Variants in GPCPD1 observed in about 807,000 individuals in gnomAD.
GPCPD1 encodes the protein glycerophosphocholine phosphodiesterase 1, also known as glycerophosphocholine phosphodiesterase GPCPD1.
Under a neutral mutation model 89.2 loss-of-function variants are expected in GPCPD1, and 29 were observed. The ratio of observed to expected loss-of-function variants is 0.33; its 90% CI spans 0.24 to 0.44. The LOEUF (loss-of-function observed/expected upper bound fraction) is 0.44, where lower values mean the gene tolerates loss of function less well. Ranked by LOEUF, GPCPD1 falls within the 20% of genes least tolerant of loss-of-function variation. GPCPD1 has a pLI of 1.00. For synonymous variants in GPCPD1, 258 were observed against 266.3 expected (o/e 0.97, Z 0.30); for missense variants, 594 against 808.9 (o/e 0.73, Z 3.22).
Position 5,599,802 on chromosome 20 carries a change from C to G in GPCPD1, c.50-981G>C, listed in dbSNP as rs140050128. Among the ~76,000 whole-genome samples, 272 of 152,260 alleles carry G rather than the reference C, an allele frequency of 1.8e-3. 1 individual carries two copies. The highest frequency in any genetic ancestry group is 6.1e-3 in the African/African-American group (255 of 41,568). ...TCCTGACCTCAGGTGATCTGCCCGC[C>G]TTGGCCTCCCAAAGTGCTGGGTTTA... On this transcript the variant is annotated intron_variant, in intron 2 of 19. Coordinates refer to ENST00000379019, the MANE Select transcript of GPCPD1 (RefSeq NM_019593.5).
At chr20:5,560,495 T>G (rs1986024395) in intron 16 of GPCPD1, among the ~76,000 whole-genome samples, 1 of 152,238 alleles carries the variant, frequency 6.6e-6, no homozygotes, top group South Asian at 2.1e-4. Flanking sequence ...AGTCTCATTC[T>G]TTGGGTCTTG....
intron 11 of GPCPD1, among the ~76,000 whole-genome samples, chr20:5,573,212 G>C (rs925500992): frequency 6.6e-6 from 1 of 151,828 alleles, no homozygotes; most frequent in African/African-American, 2.4e-5. Context: ...AGTCTCCCAA[G>C]TAGCTGGGAT....
chr20:5,606,656 G>A (rs1334101029), intron 1 of GPCPD1, among the ~76,000 whole-genome samples: 2 of 152,146 alleles, frequency 1.3e-5, no homozygotes, highest in Non-Finnish European at 2.9e-5. Context: ...CTAGCATCTA[G>A]GGGTAAAGGC....
intron 3 of GPCPD1, among the ~76,000 whole-genome samples, chr20:5,593,643 A>C (rs1979491603): frequency 6.6e-6 from 1 of 152,244 alleles, no homozygotes; most frequent in East Asian, 1.9e-4. Flanking sequence ...AGACAGAAAA[A>C]TAACCAAAGA....
chr20:5,602,658 C>T lies in GPCPD1; in HGVS notation c.49+1706G>A, dbSNP rs565853046. 5.3e-5 allele frequency among the ~76,000 whole-genome samples: 8 copies of T among 152,270 alleles called. No individual in the cohort carries two copies. The South Asian group carries it at 8.3e-4, about 16-fold the overall frequency. On this transcript the variant is annotated intron_variant, in intron 2 of 19. Transcript: ENST00000379019. ...GCTCTGATCCAGGCTCTCTGCTAGG[C>T]GCAGGAATTCAGCATAAACAAGACA...
rs917784737 is a variant in GPCPD1 at position 5,549,795 on chromosome 20, G to A, written c.1830-1945C>T. Among the ~76,000 whole-genome samples, 3 of 147,414 alleles carry A rather than the reference G, an allele frequency of 2.0e-5. No homozygotes were observed. In the South Asian group the frequency reaches 6.5e-4, roughly 32 times the overall value. On this transcript the variant is annotated intron_variant, in intron 19 of 19. Transcript: ENST00000379019. ...AATCCTTAATGACTTCAGGGAAATA[G>A]CATGTTCATTAAATGAGAATAGGAT... is the stretch of plus-strand genomic sequence containing the variant.
intron 11 of GPCPD1, 52 bp from the exon 12 acceptor site, chr20:5,570,291 C>A: frequency 1.2e-6 from 1 of 861,054 alleles, no homozygotes; most frequent in South Asian, 1.5e-5. Flanking sequence ...CACAGTACCT[C>A]TCAAACTGCA....
At chr20:5,582,268 TGAAGTACTAAA>T (rs1978590345) in intron 6 of GPCPD1, among the ~76,000 whole-genome samples, 1 of 146,996 alleles carries the variant, frequency 6.8e-6, no homozygotes, top group South Asian at 2.2e-4. Context: ...ATATTACTTA[TGAAGTACTAAA>T]GACTCCAAAA....
At chr20:5,608,760 A>G (rs191499192) in intron 1 of GPCPD1, among the ~76,000 whole-genome samples, 7 of 152,322 alleles carry the variant, frequency 4.6e-5, no homozygotes, top group African/African-American at 1.7e-4. Flanking sequence ...TACCTCACAT[A>G]CAGACTACAC....
Position 5,575,506 on chromosome 20 carries a change from C to G in GPCPD1, c.908G>C (p.Cys303Ser). Residue 303 changes from cysteine to serine, a missense_variant, in exon 10 of 20, where the codon TGT becomes TCT. By Grantham distance (112) the Cys-to-Ser change is moderately radical. Transcript: ENST00000379019. ...CTTGGAAAATGAAGATTTCATGTCA[C>G]AACTGTATCCTGGTAATGGCTTAAT... ...IIIKPLPGYS[C>S]DMKSSFSKYW... 6.3e-7 allele frequency: 1 copy of G among 1,585,828 alleles called. No individual in the cohort carries two copies. The highest frequency in any genetic ancestry group is 8.7e-7 in the Non-Finnish European group (1 of 1,154,520).
intron 4 of GPCPD1, among the ~76,000 whole-genome samples, chr20:5,587,118 C>A (rs1600775454): frequency 6.6e-6 from 1 of 152,114 alleles, no homozygotes; most frequent in Non-Finnish European, 1.5e-5. Flanking sequence ...TTTAAGTGTT[C>A]TAATTTTCCT....
chr20:5,554,498 A>G (rs899653675), intron 19 of GPCPD1, among the ~76,000 whole-genome samples: 1 of 152,200 alleles, frequency 6.6e-6, no homozygotes, highest in Non-Finnish European at 1.5e-5. Flanking sequence ...GAATTACGCT[A>G]AATCTACTTT....
chr20:5,566,443 A>G (rs1037478991), intron 14 of GPCPD1, among the ~76,000 whole-genome samples: 5 of 152,228 alleles, frequency 3.3e-5, no homozygotes, highest in Middle Eastern at 3.2e-3. Context: ...CGGATTCTAT[A>G]GTTGATTTAC....
intron 17 of GPCPD1, among the ~76,000 whole-genome samples, chr20:5,559,232 A>G (rs1025962103): frequency 1.3e-5 from 2 of 152,102 alleles, no homozygotes; most frequent in Non-Finnish European, 2.9e-5. Flanking sequence ...AAAAAAAGAA[A>G]GAAAGAAAAC....
At chr20:5,567,705 C>A in intron 12 of GPCPD1, 145 bp from the exon 13 acceptor site, 1 of 736,408 alleles carries the variant, frequency 1.4e-6, no homozygotes, top group Non-Finnish European at 2.1e-6. Context: ...TGTTAGTAGC[C>A]ATACTGAGCC....
rs1302281474 is a variant in GPCPD1, at chr20:5,547,463, AGACT to A, written c.*194_*197del. 3 of 364,770 alleles carry A rather than the reference AGACT, an allele frequency of 8.2e-6. No individual in the cohort carries two copies. Among genetic ancestry groups the A allele is most frequent in the East Asian group, 4.1e-5 (1 of 24,114 alleles). 22.6% of individuals were successfully genotyped at this position (364,770 alleles called of 1,614,324 possible). ...ACCAATAAATTTTCTCACTATAAAG[AGACT>A]GACTGGCAATTATACCTGGCCAAGT... On this transcript the variant is annotated 3_prime_UTR_variant, in exon 20 of 20. Coordinates refer to ENST00000379019, the MANE Select transcript of GPCPD1 (RefSeq NM_019593.5).
At chr20:5,593,486 A>C in intron 3 of GPCPD1, 75 bp from the exon 4 acceptor site, 1 of 808,878 alleles carries the variant, frequency 1.2e-6, no homozygotes, top group East Asian at 2.4e-5. Context: ...AATTCACAAA[A>C]CTCCTCAAAT....
chr20:5,566,824 A>C (rs1263602879), intron 13 of GPCPD1, 52 bp from the exon 14 acceptor site: 3 of 1,126,768 alleles, frequency 2.7e-6, no homozygotes, highest in Non-Finnish European at 4.0e-6. Flanking sequence ...TAGCTTATGA[A>C]GAGATGGTTA....
At chr20:5,573,830 C>T in intron 11 of GPCPD1, 85 bp downstream of exon 11, 2 of 810,450 alleles carry the variant, frequency 2.5e-6, no homozygotes, top group Admixed American at 1.8e-5. Flanking sequence ...GAGATATTCC[C>T]CTAACTATTA....
Sources: gnomAD v4.1 joint callset for allele counts (sites outside exome capture counted in the v4.1 genomes callset) on GRCh38, gnomAD v4.1.1 for gene constraint, MANE v1.5 for transcripts, NCBI Gene and HGNC (gene_info 2026-07-23, HGNC 2026-07-21) for gene names.